Variants in SYK observed in about 807,000 individuals in gnomAD.
The protein encoded by SYK is spleen associated tyrosine kinase, also known as tyrosine-protein kinase SYK.
A neutral mutation model predicts 77.8 loss-of-function variants in SYK; 16 were observed. That is an observed-to-expected ratio of 0.21 (90% CI 0.14 to 0.31). SYK has a LOEUF of 0.31. Ranked by LOEUF, SYK falls within the 10% of genes least tolerant of loss-of-function variation. The pLI is 1.00. For missense variants in SYK, 529 were observed against 814.4 expected (o/e 0.65, Z 4.26); for synonymous variants, 312 against 308.7 (o/e 1.01, Z -0.11).
intron 11 of SYK, among the ~76,000 whole-genome samples, chr9:90,883,825 C>T (rs1828253751): frequency 6.6e-6 from 1 of 152,162 alleles, no homozygotes. Context: ...TGCCCAGCCA[C>T]TGCAGCATCC....
chr9:90,879,096 ATCT>A, intron 11 of SYK, 143 bp downstream of exon 11: 1 of 572,728 alleles, frequency 1.7e-6, no homozygotes, highest in Middle Eastern at 4.4e-4. Flanking sequence ...TGTTCTTATA[ATCT>A]TTGATTTTAC....
intron 8 of SYK, 133 bp downstream of exon 8, chr9:90,874,424 C>A: frequency 3.0e-6 from 3 of 985,210 alleles, no homozygotes; most frequent in Non-Finnish European, 4.7e-6. Context: ...TGGAAACACT[C>A]ACATCTAGTG....
intron 11 of SYK, among the ~76,000 whole-genome samples, chr9:90,879,875 C>G (rs1052604308): frequency 6.6e-6 from 1 of 152,194 alleles, no homozygotes; most frequent in Non-Finnish European, 1.5e-5. Flanking sequence ...AACTTGACCC[C>G]TCTCTGAACC....
chr9:90,863,448 T>C (rs1827351678), intron 4 of SYK, among the ~76,000 whole-genome samples: 1 of 152,180 alleles, frequency 6.6e-6, no homozygotes, highest in Non-Finnish European at 1.5e-5. Context: ...CCTTAGCCCC[T>C]TTAAAGCACT....
chr9:90,817,770 A>G (rs928943029), intron 1 of SYK, among the ~76,000 whole-genome samples: 11 of 151,642 alleles, frequency 7.3e-5, no homozygotes, highest in African/African-American at 2.7e-4. Flanking sequence ...TAGGATCCTC[A>G]TCTTTGAAAT....
intron 11 of SYK, among the ~76,000 whole-genome samples, chr9:90,880,387 T>C (rs290222): frequency 0.11 from 16,633 of 152,154 alleles, 1,235 homozygotes; most frequent in East Asian, 0.3. Context: ...CCATTCTTCA[T>C]ACAGTAGCTT....
chr9:90,834,885 G>A (rs1442480052), intron 1 of SYK, among the ~76,000 whole-genome samples: 1 of 152,186 alleles, frequency 6.6e-6, no homozygotes, highest in Non-Finnish European at 1.5e-5. Context: ...CAATAAAATG[G>A]GCACATCAGA....
At chr9:90,885,289 C>T (rs1828520834) in intron 11 of SYK, among the ~76,000 whole-genome samples, 1 of 151,866 alleles carries the variant, frequency 6.6e-6, no homozygotes, top group Non-Finnish European at 1.5e-5. Flanking sequence ...TTCAGAAAAA[C>T]AGTTCAGGAT....
chr9:90,848,813 G>A (rs1471299180), intron 3 of SYK, among the ~76,000 whole-genome samples: 2 of 152,228 alleles, frequency 1.3e-5, no homozygotes, highest in Non-Finnish European at 2.9e-5. Context: ...CTGAACAATA[G>A]GAAAGAACTG....
At chr9:90,803,488 A>C (rs1441141337) in intron 1 of SYK, among the ~76,000 whole-genome samples, 1 of 152,152 alleles carries the variant, frequency 6.6e-6, no homozygotes, top group African/African-American at 2.4e-5. Context: ...AATGGGGTGT[A>C]TACTTTAGGT....
intron 1 of SYK, among the ~76,000 whole-genome samples, chr9:90,807,752 T>C (rs1824895688): frequency 6.6e-6 from 1 of 152,196 alleles, no homozygotes; most frequent in Admixed American, 6.5e-5. Flanking sequence ...CGAGTACATA[T>C]CCTTTAGTAC....
chr9:90,888,530 GA>G lies in SYK; in HGVS notation c.1740del (p.Val581SerfsTer5). 2 of 1,610,206 alleles carry G rather than the reference GA, an allele frequency of 1.2e-6. No homozygotes were observed. The highest frequency in any genetic ancestry group is 1.7e-6 in the Non-Finnish European group (2 of 1,178,774). ...CATGTTGTAGGGGATGAAAGGAAGT[GA>G]AGTCACCGCTATGTTAGAGAAAGGA... The part of the protein sequence containing the change: ...QKPYRGMKGS[E>X]VTAMLEKGER... On this transcript the variant is annotated frameshift_variant, in exon 13 of 14. Transcript: ENST00000375754. LOFTEE classifies it high-confidence loss of function.
intron 7 of SYK, among the ~76,000 whole-genome samples, chr9:90,873,491 T>TG (rs1171249669): frequency 3.3e-5 from 5 of 152,106 alleles, no homozygotes; most frequent in African/African-American, 1.2e-4. Flanking sequence ...AATGAGTAGA[T>TG]TTCCCCCCCC....
chr9:90,895,980 C>G lies in SYK; in HGVS notation c.*380C>G, dbSNP rs1175537922. Reference sequence around the variant, plus strand: ...ACATTGCAGAGTGGCCTAGAGCACTCTCACCCCAAGCGGCCTTTTCCAAAT... The same window carrying G: ...ACATTGCAGAGTGGCCTAGAGCACTGTCACCCCAAGCGGCCTTTTCCAAAT... On this transcript the variant is annotated 3_prime_UTR_variant, in exon 14 of 14. Transcript: ENST00000375754. This position sits in a 1 kb window ranked among gnomAD's most constrained non-coding sequence, Gnocchi z 4.4. The G allele has an allele frequency of 4.0e-6, 1 of 253,034 alleles. No homozygotes were observed. The highest frequency in any genetic ancestry group is 7.7e-6 in the Non-Finnish European group (1 of 129,482). The allele number at this position is 253,034 out of a possible 1,614,324, so 15.7% of individuals were successfully genotyped here. A position where few individuals can be genotyped will look rare whatever the true frequency, so the allele number is the denominator to read the frequency against.
At chr9:90,851,129 C>G (rs1826804033) in intron 3 of SYK, among the ~76,000 whole-genome samples, 1 of 152,144 alleles carries the variant, frequency 6.6e-6, no homozygotes, top group Non-Finnish European at 1.5e-5. Flanking sequence ...AAGGCAAAAC[C>G]AGGTCCCTGA....
In SYK at chr9:90,896,513, G is replaced by A. The variant is rs140271666; in HGVS notation, c.*913G>A. 3.9e-5 allele frequency: 9 copies of A among 233,004 alleles called. No individual in the cohort carries two copies. The highest frequency in any genetic ancestry group is 1.8e-4 in the South Asian group (1 of 5,516). The allele number at this position is 233,004 out of a possible 1,614,324, so 14.4% of individuals were successfully genotyped here. ...GAGGGTGCCGCCAGAATCCCCTGTC[G>A]CTTTCTGTGTCTGCAATGGGGGGCA... On this transcript the variant is annotated 3_prime_UTR_variant, in exon 14 of 14. Coordinates refer to ENST00000375754, the MANE Select transcript of SYK (RefSeq NM_003177.7).
intron 13 of SYK, among the ~76,000 whole-genome samples, chr9:90,894,959 C>G (rs1209971846): frequency 6.6e-6 from 1 of 152,206 alleles, no homozygotes; most frequent in Non-Finnish European, 1.5e-5. Flanking sequence ...TTGCTCCTGC[C>G]ATGACATGTT....
At chr9:90,891,530 G>C (rs1470895788) in intron 13 of SYK, among the ~76,000 whole-genome samples, 1 of 152,076 alleles carries the variant, frequency 6.6e-6, no homozygotes, top group African/African-American at 2.4e-5. Flanking sequence ...ACCTATGTGA[G>C]CTTTTAGCTT....
At chr9:90,848,806 A>G (rs1826697538) in intron 3 of SYK, among the ~76,000 whole-genome samples, 1 of 152,236 alleles carries the variant, frequency 6.6e-6, no homozygotes, top group African/African-American at 2.4e-5. Flanking sequence ...AAAGACGCTG[A>G]ACAATAGGAA....
Sources: allele counts gnomAD v4.1 joint callset (sites outside exome capture counted in the v4.1 genomes callset), GRCh38; gene constraint gnomAD v4.1.1; non-coding constraint Gnocchi (gnomAD v3.1); transcripts MANE v1.5; gene names NCBI Gene and HGNC (gene_info 2026-07-23, HGNC 2026-07-21).